Variants in KIF4A observed in about 807,000 individuals in gnomAD.
KIF4A encodes the protein chromosome-associated kinesin KIF4A.
In KIF4A, 7 loss-of-function variants were observed where a neutral mutation model predicts 105.9. The observed-to-expected ratio is 0.07, with a 90% CI of 0.04 to 0.12. The LOEUF (loss-of-function observed/expected upper bound fraction) is 0.12. Ranked by LOEUF, KIF4A falls within the 10% of genes least tolerant of loss-of-function variation. The pLI, the probability that KIF4A is intolerant of heterozygous loss-of-function variation, is 1.00. For missense variants in KIF4A, 558 were observed against 929.2 expected, an observed-to-expected ratio of 0.60 and a Z score of 5.19; for synonymous variants, 281 against 331.3, an observed-to-expected ratio of 0.85 and a Z score of 1.65.
intron 18 of KIF4A, among the ~76,000 whole-genome samples, chrX:70,382,897 C>G (rs2086202955): frequency 9.0e-6 from 1 of 110,575 alleles, no homozygotes; most frequent in African/African-American, 3.3e-5. Flanking sequence ...ATAAAGAACT[C>G]TTACTGTCTG....
chrX:70,322,926 G>C (rs756837625), intron 7 of KIF4A, among the ~76,000 whole-genome samples: 1 of 109,853 alleles, frequency 9.1e-6, no homozygotes, highest in Admixed American at 9.7e-5. Flanking sequence ...AGCAGCCAGA[G>C]TATTCTTCCT....
intron 22 of KIF4A, 105 bp from the exon 23 acceptor site, chrX:70,402,461 T>C (rs769458882): frequency 2.1e-6 from 2 of 933,426 alleles, no homozygotes; most frequent in Non-Finnish European, 2.9e-6. Flanking sequence ...GATATTTAAC[T>C]GATAGCTCCA....
intron 20 of KIF4A, among the ~76,000 whole-genome samples, chrX:70,391,238 T>C (rs978322501): frequency 4.4e-5 from 5 of 112,493 alleles, no homozygotes; most frequent in Non-Finnish European, 9.4e-5. Context: ...CAATTTATTT[T>C]TGTATATTAA....
rs769883507 is a variant in KIF4A, at chrX:70,349,403, C to T, written c.1432-3197C>T. Among the ~76,000 whole-genome samples, 18 of 84,674 alleles carry T rather than the reference C, an allele frequency of 2.1e-4. 1 individual carries two copies. The highest frequency in any genetic ancestry group is 7.6e-4 in the South Asian group (1 of 1,312). 73.5% of individuals were successfully genotyped at this position (84,674 alleles called of 115,157 possible). A position where few individuals can be genotyped will look rare whatever the true frequency, so the allele number is the denominator to read the frequency against. ...CCCAGACAGGGTGGCCGGGCAGAGACACTCCCTACTTCCCAGATGGGGCGG... is the reference window on the plus strand; with the variant it reads ...CCCAGACAGGGTGGCCGGGCAGAGATACTCCCTACTTCCCAGATGGGGCGG... On this transcript the variant is annotated intron_variant, in intron 13 of 30. Transcript: ENST00000374403.
chrX:70,322,353 C>T (rs2085893933), intron 7 of KIF4A, among the ~76,000 whole-genome samples: 1 of 108,339 alleles, frequency 9.2e-6, no homozygotes. Context: ...ACTCTGTCGC[C>T]CAGGCTGAAG....
chrX:70,410,501 G>C (rs916296025), intron 28 of KIF4A, among the ~76,000 whole-genome samples: 1 of 111,849 alleles, frequency 8.9e-6, no homozygotes, highest in African/African-American at 3.3e-5. Flanking sequence ...CTGGGCCTCA[G>C]ATTCCTTACC....
At chrX:70,369,058 A>T (rs753148423) in intron 15 of KIF4A, among the ~76,000 whole-genome samples, 1 of 112,386 alleles carries the variant, frequency 8.9e-6, no homozygotes, top group East Asian at 2.8e-4. Flanking sequence ...CAGGTGTGGG[A>T]TACAATCTTC....
chrX:70,407,041 A>G lies in KIF4A; in HGVS notation c.3221A>G (p.Lys1074Arg), dbSNP rs1200236367. Residue 1074 changes from lysine (K) to arginine (R), a missense_variant, in exon 28 of 31, where the codon AAA becomes AGA. This residue lies in a region of KIF4A where 469 missense variants were observed against 680.4 expected (regional missense o/e 0.69). Coordinates refer to ENST00000374403, the MANE Select transcript of KIF4A (RefSeq NM_012310.5). ...EGDDEEWKPTKLVKVSRKNIQ... is the reference protein window; with the variant it reads ...EGDDEEWKPTRLVKVSRKNIQ... ...GATGACGAGGAATGGAAGCCAACAA[A>G]ATTAGTTAAGGTGTCCAGGAAGAAC... is the stretch of plus-strand genomic sequence containing the variant. The G allele has an allele frequency of 4.2e-6, 5 of 1,200,756 alleles. No homozygotes were observed. The African/African-American group carries it at 5.3e-5, about 13-fold the overall frequency.
intron 15 of KIF4A, among the ~76,000 whole-genome samples, chrX:70,365,370 G>A (rs889387554): frequency 9.0e-6 from 1 of 111,545 alleles, no homozygotes; most frequent in Non-Finnish European, 1.9e-5. Flanking sequence ...TATGATATTG[G>A]CTGTGGGTTT....
chrX:70,413,631 A>AG (rs1255069783), intron 28 of KIF4A, among the ~76,000 whole-genome samples: 2 of 99,410 alleles, frequency 2.0e-5, no homozygotes, highest in Non-Finnish European at 4.0e-5. Context: ...CTCCATCTCA[A>AG]AAAAAAAAAA....
At chrX:70,394,901 G>A (rs2086253482) in intron 20 of KIF4A, among the ~76,000 whole-genome samples, 1 of 111,696 alleles carries the variant, frequency 9.0e-6, no homozygotes, top group African/African-American at 3.3e-5. Flanking sequence ...TATTAGCATG[G>A]TATACCTTCA....
chrX:70,305,264 A>G (rs1165473876), intron 7 of KIF4A, among the ~76,000 whole-genome samples: 2 of 111,845 alleles, frequency 1.8e-5, no homozygotes, highest in African/African-American at 6.5e-5. Context: ...AAGGAGTTGT[A>G]TAACCATCAC....
rs1237016482 is a variant in KIF4A at position 70,352,596 on chromosome X, G to T, written c.1432-4G>T. 4 of 1,196,744 alleles carry T rather than the reference G, an allele frequency of 3.3e-6. No individual in the cohort carries two copies. Among genetic ancestry groups the T allele is most frequent in the Non-Finnish European group, 4.5e-6 (4 of 883,778 alleles). ...TCCCTAAACCAAAACATTTGTTACT[G>T]CAGGATGAAACTGTTGCTTGCATGG... On this transcript the variant is annotated splice_region_variant and splice_polypyrimidine_tract_variant and intron_variant, in intron 13 of 30. Transcript: ENST00000374403.
intron 22 of KIF4A, among the ~76,000 whole-genome samples, chrX:70,400,940 T>A (rs1397448108): frequency 3.7e-5 from 4 of 107,409 alleles, no homozygotes; most frequent in Non-Finnish European, 7.7e-5. Context: ...GCTAATTTTT[T>A]GTATTTTTAG....
chrX:70,326,785 A>G (rs2085912661), intron 7 of KIF4A, among the ~76,000 whole-genome samples: 1 of 112,022 alleles, frequency 8.9e-6, no homozygotes, highest in Non-Finnish European at 1.9e-5. Context: ...TATCATTTTA[A>G]TGTCTTAACA....
intron 10 of KIF4A, among the ~76,000 whole-genome samples, chrX:70,334,594 A>G (rs1422506007): frequency 8.9e-6 from 1 of 112,690 alleles, no homozygotes; most frequent in Non-Finnish European, 1.9e-5. Context: ...GAAATAGATT[A>G]CAGCATTTAT....
intron 20 of KIF4A, among the ~76,000 whole-genome samples, chrX:70,392,613 T>C (rs1358480243): frequency 9.1e-6 from 1 of 110,017 alleles, no homozygotes; most frequent in Non-Finnish European, 1.9e-5. Flanking sequence ...CTGGGCAACA[T>C]AGCAAGAACA....
At chrX:70,291,262 A>G (rs1263185113) in intron 3 of KIF4A, among the ~76,000 whole-genome samples, 9 of 111,851 alleles carry the variant, frequency 8.0e-5, no homozygotes, top group Admixed American at 6.6e-4. Flanking sequence ...TTTTGTACCT[A>G]TCTTTTAGAA....
intron 20 of KIF4A, among the ~76,000 whole-genome samples, chrX:70,391,290 G>A (rs2086236551): frequency 9.0e-6 from 1 of 111,562 alleles, no homozygotes; most frequent in Non-Finnish European, 1.9e-5. Flanking sequence ...CTCTTTTATA[G>A]GTTTTTAGGA....
Sources: allele counts gnomAD v4.1 joint callset (sites outside exome capture counted in the v4.1 genomes callset), GRCh38; gene constraint gnomAD v4.1.1; regional missense constraint gnomAD v4.1.1; transcripts MANE v1.5; gene names NCBI Gene and HGNC (gene_info 2026-07-23, HGNC 2026-07-21).